Variants in PRSS38 observed in about 807,000 individuals in gnomAD.
PRSS38 encodes the protein marapsin 2.
A neutral mutation model predicts 26.8 loss-of-function variants in PRSS38; 22 were observed. That is an observed-to-expected ratio of 0.82 (90% CI 0.59 to 1.17). The LOEUF is 1.17. PRSS38 is among the 50% of genes most tolerant of loss of function. PRSS38 has a pLI of 0.00. For synonymous variants in PRSS38, 175 were observed against 172.1 expected (o/e 1.02, Z -0.13); for missense variants, 427 against 422.7 (o/e 1.01, Z -0.09).
chr1:227,825,750 G>A (rs898268590), intron 3 of PRSS38, among the ~76,000 whole-genome samples: 3 of 152,048 alleles, frequency 2.0e-5, no homozygotes, highest in South Asian at 2.1e-4. Context: ...GTCTGTTCTT[G>A]TACCAGTACC....
At chr1:227,842,796 C>T (rs1230671944) in intron 3 of PRSS38, among the ~76,000 whole-genome samples, 5 of 152,038 alleles carry the variant, frequency 3.3e-5, no homozygotes, top group African/African-American at 9.7e-5. Flanking sequence ...AGGGTGGTCT[C>T]GAACTCCCAG....
intron 3 of PRSS38, among the ~76,000 whole-genome samples, chr1:227,819,147 A>G (rs955811040): frequency 7.9e-5 from 12 of 152,232 alleles, no homozygotes; most frequent in African/African-American, 2.4e-4. Context: ...CCTTTTTTAT[A>G]TAAAACTACC....
intron 3 of PRSS38, among the ~76,000 whole-genome samples, chr1:227,837,986 C>T (rs1665262725): frequency 6.6e-6 from 1 of 152,006 alleles, no homozygotes; most frequent in Admixed American, 6.6e-5. Context: ...AAACTTCTGG[C>T]CTCAAGCGTT....
chr1:227,820,597 T>C (rs550637227), intron 3 of PRSS38, among the ~76,000 whole-genome samples: 19 of 152,308 alleles, frequency 1.2e-4, no homozygotes, highest in Non-Finnish European at 5.9e-5. Context: ...CGCTTTGTCA[T>C]GGTTTTATAT....
At chr1:227,844,859 ACTCCTCCCTATGTGGGGTGGGG>A (rs1665396130) in intron 3 of PRSS38, among the ~76,000 whole-genome samples, 1 of 93,868 alleles carries the variant, frequency 1.1e-5, no homozygotes, top group Non-Finnish European at 2.1e-5. Context: ...TGTGGTCAGG[ACTCCTCCCTATGTGGGGTGGGG>A]CTCCTCCCTA....
chr1:227,819,038 A>G (rs972855563), intron 3 of PRSS38, among the ~76,000 whole-genome samples: 1 of 152,224 alleles, frequency 6.6e-6, no homozygotes, highest in Non-Finnish European at 1.5e-5. Flanking sequence ...TTTTGAATAT[A>G]ATGATATTGT....
exon 3 of PRSS38, chr1:227,817,442 A>G (rs572218312): frequency 5.0e-6 from 8 of 1,614,168 alleles, no homozygotes; most frequent in East Asian, 2.2e-5. Flanking sequence ...ACCAGTGCCA[A>G]TTGCTGGGCT....
chr1:227,824,329 T>G (rs1665041896), intron 3 of PRSS38, among the ~76,000 whole-genome samples: 1 of 152,192 alleles, frequency 6.6e-6, no homozygotes, highest in South Asian at 2.1e-4. Context: ...GATGTTTGCT[T>G]TTCTGTTCCT....
In PRSS38 at chr1:227,816,277, G is replaced by A. The variant is rs377502365; in HGVS notation, c.311+25G>A. 2.6e-5 allele frequency: 42 copies of A among 1,600,470 alleles called. No homozygotes were observed. The African/African-American group carries it at 5.1e-4, about 19-fold the overall frequency. On this transcript the variant is annotated intron_variant, in intron 2 of 4. Coordinates refer to ENST00000366757, the Ensembl canonical transcript of PRSS38. The surrounding 1 kb of genome is among the most constrained non-coding windows in gnomAD (Gnocchi z 5.1). ...GGTAAGCGGGCGCCGGCCTGGGATG[G>A]TGTGGGTAGCTGGGCCTGCACGGAG...
chr1:227,840,443 G>A (rs529059355), intron 3 of PRSS38, among the ~76,000 whole-genome samples: 2 of 151,788 alleles, frequency 1.3e-5, no homozygotes, highest in East Asian at 1.9e-4. Context: ...TGGTTGGGGC[G>A]GAAAAGAACC....
chr1:227,817,343 G>A, exon 3 of PRSS38: 1 of 1,614,208 alleles, frequency 6.2e-7, no homozygotes, highest in Non-Finnish European at 8.5e-7. Context: ...CCCATCGGAG[G>A]TGACGTGGCC....
rs1272872445 is a variant in PRSS38 at position 227,816,166 on chromosome 1, C to A, written c.225C>A (p.Val75=). 45 of 1,613,506 alleles carry A rather than the reference C, an allele frequency of 2.8e-5. No individual in the cohort carries two copies. The highest frequency in any genetic ancestry group is 3.7e-5 in the Non-Finnish European group (44 of 1,179,936). The stretch of plus-strand genomic sequence containing the variant: ...CCGAGAGGAAGTGGCCGTGGCAGGT[C>A]AGCGTGCACTACGCAGGCCTCCACG... Residue 75 remains valine, a synonymous_variant, in exon 2 of 5, where the codon GTC becomes GTA. Transcript: ENST00000366757. The surrounding 1 kb of genome is among the most constrained non-coding windows in gnomAD (Gnocchi z 5.1).
intron 3 of PRSS38, among the ~76,000 whole-genome samples, chr1:227,839,931 T>C (rs1406121079): frequency 6.6e-6 from 1 of 152,188 alleles, no homozygotes; most frequent in African/African-American, 2.4e-5. Flanking sequence ...CTTGATTTTC[T>C]CTTTGCCCCT....
chr1:227,839,811 C>A (rs888085162), intron 3 of PRSS38, among the ~76,000 whole-genome samples: 1 of 152,090 alleles, frequency 6.6e-6, no homozygotes. Flanking sequence ...TTAGAGTCAC[C>A]GTCATCCAGC....
chr1:227,841,796 C>T (rs1665341466), intron 3 of PRSS38, among the ~76,000 whole-genome samples: 1 of 152,176 alleles, frequency 6.6e-6, no homozygotes, highest in South Asian at 2.1e-4. Context: ...CTCCTCTCTG[C>T]CAGGGCATGT....
At chr1:227,837,947 G>C (rs1383126494) in intron 3 of PRSS38, among the ~76,000 whole-genome samples, 2 of 151,966 alleles carry the variant, frequency 1.3e-5, no homozygotes, top group African/African-American at 4.8e-5. Flanking sequence ...TTAGAGATGG[G>C]GTCTTGCTCT....
chr1:227,815,792 G>A (rs751831018), exon 1 of PRSS38: 1 of 1,612,406 alleles, frequency 6.2e-7, no homozygotes, highest in African/African-American at 1.3e-5. Flanking sequence ...CCTGGTGGTG[G>A]CCCCTCCCCG....
exon 5 of PRSS38, chr1:227,846,462 A>C: frequency 1.8e-6 from 1 of 548,306 alleles, no homozygotes; most frequent in Non-Finnish European, 3.2e-6. Context: ...TTAAATATTT[A>C]CAAAGCAAGC....
At chr1:227,815,701 C>T (rs763710690) in exon 1 of PRSS38, 40 of 1,564,188 alleles carry the variant, frequency 2.6e-5, no homozygotes, top group Non-Finnish European at 3.4e-5. Flanking sequence ...CCGCTGGGGG[C>T]GCTGCCTCGA....
Sources: gnomAD v4.1 joint callset for allele counts (sites outside exome capture counted in the v4.1 genomes callset) on GRCh38, gnomAD v4.1.1 for gene constraint, Gnocchi (gnomAD v3.1) non-coding constraint, MANE v1.5 for transcripts, NCBI Gene and HGNC (gene_info 2026-07-23, HGNC 2026-07-21) for gene names.